The following FSTL5 variants were observed in gnomAD, a reference collection of about 807,000 sequenced individuals.
The protein encoded by FSTL5 is follistatin like 5.
Under a neutral mutation model 89.1 loss-of-function variants are expected in FSTL5, and 62 were observed. That is an observed-to-expected ratio of 0.70 (90% confidence interval 0.57 to 0.86). The LOEUF (loss-of-function observed/expected upper bound fraction) is 0.86. FSTL5 is among the 40% of genes least tolerant of loss of function. The pLI, the probability that FSTL5 is intolerant of heterozygous loss-of-function variation, is 0.00. For missense variants in FSTL5, 1,057 were observed against 1,001.6 expected, an observed-to-expected ratio of 1.06 and a Z score of -0.75; for synonymous variants, 383 against 346.2, an observed-to-expected ratio of 1.11 and a Z score of -1.18.
chr4:162,029,664 T>G (rs558957826), intron 3 of FSTL5, among the ~76,000 whole-genome samples: 5 of 152,202 alleles, frequency 3.3e-5, no homozygotes, highest in Middle Eastern at 3.4e-3. Flanking sequence ...ATTTTTTTTC[T>G]TAAAGTTATG....
intron 9 of FSTL5, among the ~76,000 whole-genome samples, chr4:161,542,216 A>G (rs1731842231): frequency 6.6e-6 from 1 of 152,010 alleles, no homozygotes; most frequent in Non-Finnish European, 1.5e-5. Context: ...TTTCTATAAA[A>G]GAATCTAATT....
chr4:161,507,132 C>T lies in FSTL5; in HGVS notation c.1339+3266G>A, dbSNP rs571942889. Among the ~76,000 whole-genome samples, 56 of 152,032 alleles carry T rather than the reference C, an allele frequency of 3.7e-4. No individual in the cohort carries two copies. In the South Asian group the frequency reaches 0.011, roughly 29 times the overall value. The stretch of plus-strand genomic sequence containing the variant: ...TTTTATATACTGAATCATCCTAAAT[C>T]TCTCCTTGGAGATTGAAACTAGCAT... On this transcript the variant is annotated intron_variant, in intron 11 of 15. Coordinates refer to ENST00000306100, the MANE Select transcript of FSTL5 (RefSeq NM_020116.5).
chr4:162,030,314 T>C (rs779970314), intron 3 of FSTL5, among the ~76,000 whole-genome samples: 2 of 152,110 alleles, frequency 1.3e-5, no homozygotes, highest in Non-Finnish European at 2.9e-5. Context: ...TAAAATGAGA[T>C]GATATATGTA....
intron 4 of FSTL5, among the ~76,000 whole-genome samples, chr4:161,898,725 G>T (rs1217235241): frequency 6.6e-6 from 1 of 151,238 alleles, no homozygotes; most frequent in Non-Finnish European, 1.5e-5. Context: ...CGCCTCCCGG[G>T]TTCATGCCAT....
chr4:161,900,944 A>C (rs1733344532), intron 4 of FSTL5, among the ~76,000 whole-genome samples: 1 of 152,130 alleles, frequency 6.6e-6, no homozygotes, highest in African/African-American at 2.4e-5. Flanking sequence ...TTTTTTATTT[A>C]CACTATCCAC....
At chr4:161,888,087 A>T (rs1296091100) in intron 4 of FSTL5, among the ~76,000 whole-genome samples, 2 of 151,776 alleles carry the variant, frequency 1.3e-5, no homozygotes. Flanking sequence ...ACTCTTGGGT[A>T]TGTTTTTATA....
At chr4:161,853,919 A>G (rs1228903812) in intron 4 of FSTL5, among the ~76,000 whole-genome samples, 1 of 152,166 alleles carries the variant, frequency 6.6e-6, no homozygotes, top group Non-Finnish European at 1.5e-5. Context: ...TTTTAGACTC[A>G]CTTTGCTTAT....
intron 7 of FSTL5, among the ~76,000 whole-genome samples, chr4:161,651,754 C>T (rs2126678366): frequency 6.6e-6 from 1 of 152,272 alleles, no homozygotes; most frequent in South Asian, 2.1e-4. Flanking sequence ...CACATCATTC[C>T]TATGTGACTG....
rs773526031 is a variant in FSTL5, at chr4:161,538,280, T to C, written c.1198A>G (p.Ile400Val). The change falls in exon 10 of 16, where the codon ATA becomes GTA. Residue 400 changes from isoleucine (I) to valine (V), a missense_variant. Physicochemically the swap from Ile to Val is conservative, Grantham distance 29. Coordinates refer to ENST00000306100, the MANE Select transcript of FSTL5 (RefSeq NM_020116.5). Reference sequence around the variant, plus strand: ...GTATCTTCATAGCGCACATTGCTTATGTGAACCTCACTGCCATTTGCTGAA... The same window carrying C: ...GTATCTTCATAGCGCACATTGCTTACGTGAACCTCACTGCCATTTGCTGAA... Reference protein sequence around the residue: ...TLQANGSEVHISNVRYEDTGA... With the variant: ...TLQANGSEVHVSNVRYEDTGA... 72 of 1,613,918 alleles carry C rather than the reference T, an allele frequency of 4.5e-5. No homozygotes were observed. The highest frequency in any genetic ancestry group is 5.8e-5 in the Non-Finnish European group (69 of 1,179,926).
Position 161,546,332 on chromosome 4 carries a change from C to T in FSTL5, c.1016-3639G>A, listed in dbSNP as rs76350565. Reference sequence around the variant, plus strand: ...TACACATATATAAAACTGAAGAGAGCGATATTTGAAGAGGTAACCATTGTG... The same window carrying T: ...TACACATATATAAAACTGAAGAGAGTGATATTTGAAGAGGTAACCATTGTG... On this transcript the variant is annotated intron_variant, in intron 8 of 15. Coordinates refer to ENST00000306100, the MANE Select transcript of FSTL5 (RefSeq NM_020116.5). Among the ~76,000 whole-genome samples, 1,235 of 147,210 alleles carry T rather than the reference C, an allele frequency of 8.4e-3. 12 individuals are homozygous for T. The highest frequency in any genetic ancestry group is 0.028 in the African/African-American group (1,120 of 40,514).
At chr4:162,116,540 T>C (rs1190756238) in intron 1 of FSTL5, among the ~76,000 whole-genome samples, 1 of 152,192 alleles carries the variant, frequency 6.6e-6, no homozygotes, top group Admixed American at 6.5e-5. Flanking sequence ...CAGGAATTTG[T>C]AGCTAATAGC....
intron 13 of FSTL5, among the ~76,000 whole-genome samples, chr4:161,466,066 T>C (rs569870125): frequency 6.6e-6 from 1 of 152,304 alleles, no homozygotes; most frequent in African/African-American, 2.4e-5. Flanking sequence ...CCCTATTGCT[T>C]TGTATGTTAA....
intron 8 of FSTL5, among the ~76,000 whole-genome samples, chr4:161,545,995 T>C (rs1290088408): frequency 6.6e-6 from 1 of 151,758 alleles, no homozygotes; most frequent in Non-Finnish European, 1.5e-5. Flanking sequence ...GTTTAAAGAG[T>C]TGATAGCTAA....
At chr4:161,869,257 TG>T (rs1732187730) in intron 4 of FSTL5, among the ~76,000 whole-genome samples, 1 of 152,008 alleles carries the variant, frequency 6.6e-6, no homozygotes, top group Non-Finnish European at 1.5e-5. Flanking sequence ...TGAGAAAAAA[TG>T]TAGTGATGTA....
chr4:162,112,119 C>T (rs1198404675), intron 1 of FSTL5, among the ~76,000 whole-genome samples: 1 of 152,138 alleles, frequency 6.6e-6, no homozygotes, highest in Non-Finnish European at 1.5e-5. Context: ...ACATACAAAT[C>T]TAAGCTTTGA....
At chr4:161,791,969 T>G (rs1729491134) in intron 4 of FSTL5, among the ~76,000 whole-genome samples, 1 of 152,178 alleles carries the variant, frequency 6.6e-6, no homozygotes, top group South Asian at 2.1e-4. Flanking sequence ...CCAGGGCCCT[T>G]CCAAGATGGC....
At chr4:161,394,804 GT>G (rs1730945552) in intron 15 of FSTL5, among the ~76,000 whole-genome samples, 1 of 152,122 alleles carries the variant, frequency 6.6e-6, no homozygotes, top group South Asian at 2.1e-4. Context: ...TGGTTTGCAT[GT>G]TTTGGGATAT....
intron 6 of FSTL5, among the ~76,000 whole-genome samples, chr4:161,752,275 G>GATAGATA (rs1560825629): frequency 2.2e-5 from 3 of 137,260 alleles, no homozygotes; most frequent in Admixed American, 7.3e-5. Context: ...ATAGATAGAT[G>GATAGATA]GAATGTTTCC....
chr4:161,773,525 G>T (rs1560837171), intron 5 of FSTL5, among the ~76,000 whole-genome samples: 1 of 152,130 alleles, frequency 6.6e-6, no homozygotes, highest in Non-Finnish European at 1.5e-5. Context: ...TTATCAAAAA[G>T]TGGGCTAAGG....
Sources: allele counts gnomAD v4.1 joint callset (sites outside exome capture counted in the v4.1 genomes callset), GRCh38; gene constraint gnomAD v4.1.1; transcripts MANE v1.5; gene names NCBI Gene and HGNC (gene_info 2026-07-23, HGNC 2026-07-21).